The following DPF3 variants were observed in gnomAD, a reference collection of about 807,000 sequenced individuals.
DPF3 encodes the protein double PHD fingers 3.
DPF3 carries 18 observed loss-of-function variants against 56.8 expected under a neutral mutation model. That is an observed-to-expected ratio of 0.32 (90% CI 0.22 to 0.47). The LOEUF (loss-of-function observed/expected upper bound fraction) is 0.47. Among genes scored for constraint, DPF3 ranks in the 20% least tolerant of loss-of-function variants. DPF3 has a pLI of 1.00. For missense variants in DPF3, 403 were observed against 488.8 expected (o/e 0.82, Z 1.65); for synonymous variants, 188 against 180.2 (o/e 1.04, Z -0.35).
intron 1 of DPF3, among the ~76,000 whole-genome samples, chr14:72,787,063 G>A (rs1454322765): frequency 1.3e-5 from 2 of 152,218 alleles, no homozygotes; most frequent in Non-Finnish European, 2.9e-5. Context: ...TGTCAAAGGC[G>A]ATGGCGCCAA....
intron 3 of DPF3, chr14:72,742,678 ACCGAACAT>A (rs1440189624): frequency 1.3e-5 from 2 of 152,396 alleles, no homozygotes; most frequent in Non-Finnish European, 2.9e-5. Flanking sequence ...GAGAAATCGC[ACCGAACAT>A]CAGAGAGCAA....
chr14:72,754,495 T>C (rs1890708453), intron 2 of DPF3, among the ~76,000 whole-genome samples: 1 of 152,206 alleles, frequency 6.6e-6, no homozygotes, highest in South Asian at 2.1e-4. Flanking sequence ...ATGAATATAT[T>C]GCAGCTTCCT....
In DPF3 at chr14:72,616,547, A is replaced by G. The variant is rs149213417; in HGVS notation, c.*2750T>C. Reference sequence around the variant, plus strand: ...GGAAAACATCCGGAGTTCTTCCCAGACAAGCATGGCTCTGCAGTGCTTGTT... The same window carrying G: ...GGAAAACATCCGGAGTTCTTCCCAGGCAAGCATGGCTCTGCAGTGCTTGTT... On this transcript the variant is annotated 3_prime_UTR_variant, in exon 11 of 11. Coordinates refer to ENST00000556509, the MANE Select transcript of DPF3 (RefSeq NM_001280542.3). 2.0e-5 allele frequency among the ~76,000 whole-genome samples: 3 copies of G among 152,272 alleles called. No homozygotes were observed. Among genetic ancestry groups the G allele is most frequent in the Admixed American group, 6.5e-5 (1 of 15,306 alleles).
At chr14:72,833,323 A>G (rs1884139784) in intron 1 of DPF3, among the ~76,000 whole-genome samples, 1 of 152,198 alleles carries the variant, frequency 6.6e-6, no homozygotes, top group Non-Finnish European at 1.5e-5. Context: ...GACGATGACA[A>G]CACTCACCCT....
intron 8 of DPF3, chr14:72,673,988 T>G: frequency 2.1e-6 from 1 of 468,424 alleles, no homozygotes; most frequent in Non-Finnish European, 3.7e-6. Context: ...CAAAGAAATA[T>G]GCACCTCATG....
intron 8 of DPF3, among the ~76,000 whole-genome samples, chr14:72,673,549 T>C (rs1355445201): frequency 1.3e-5 from 2 of 152,242 alleles, no homozygotes; most frequent in Non-Finnish European, 2.9e-5. Flanking sequence ...AAGACCTGAA[T>C]TCATTTTAAG....
chr14:72,627,799 A>T (rs1243600642), intron 9 of DPF3, among the ~76,000 whole-genome samples: 1 of 152,052 alleles, frequency 6.6e-6, no homozygotes, highest in African/African-American at 2.4e-5. Flanking sequence ...ATGCCTTTCA[A>T]TTTGTTCTTT....
intron 1 of DPF3, among the ~76,000 whole-genome samples, chr14:72,827,773 C>A (rs945721411): frequency 6.6e-6 from 1 of 151,966 alleles, no homozygotes; most frequent in African/African-American, 2.4e-5. Flanking sequence ...AGCCACTGCG[C>A]CTGGCCCCCC....
At chr14:72,681,585 T>A (rs1178039870) in intron 7 of DPF3, among the ~76,000 whole-genome samples, 1 of 152,238 alleles carries the variant, frequency 6.6e-6, no homozygotes, top group Non-Finnish European at 1.5e-5. Context: ...CCACCCTTCC[T>A]ATGCCTGCCT....
At chr14:72,687,820 C>T (rs369566331) in intron 7 of DPF3, among the ~76,000 whole-genome samples, 1 of 152,124 alleles carries the variant, frequency 6.6e-6, no homozygotes, top group Non-Finnish European at 1.5e-5. Context: ...CTTTGTAAGA[C>T]CCAGACTGCT....
intron 1 of DPF3, among the ~76,000 whole-genome samples, chr14:72,883,950 A>G (rs1026823971): frequency 7.9e-5 from 12 of 151,140 alleles, no homozygotes; most frequent in African/African-American, 2.9e-4. Context: ...AAAGAAAAAG[A>G]AAAAGAATCC....
chr14:72,715,725 A>C lies in DPF3; in HGVS notation c.526-1224T>G, dbSNP rs192338042. Among the ~76,000 whole-genome samples, 235 of 151,870 alleles carry C rather than the reference A, an allele frequency of 1.5e-3. 5 individuals are homozygous for C. In the South Asian group the frequency reaches 0.043, roughly 27 times the overall value. On this transcript the variant is annotated intron_variant, in intron 5 of 10. Coordinates refer to ENST00000556509, the MANE Select transcript of DPF3 (RefSeq NM_001280542.3). ...TAGGCCTGCAACACACCCACTCAGA[A>C]AACACACCCACTTCCCAATCAACAC... is the stretch of plus-strand genomic sequence containing the variant.
chr14:72,756,828 G>GAGAA (rs1890814432), intron 2 of DPF3, among the ~76,000 whole-genome samples: 1 of 79,672 alleles, frequency 1.3e-5, no homozygotes, highest in African/African-American at 5.3e-5. Flanking sequence ...AAGACAGAAA[G>GAGAA]AAAGAAAGAA....
intron 1 of DPF3, among the ~76,000 whole-genome samples, chr14:72,794,271 G>T (rs557124475): frequency 2.2e-4 from 33 of 152,238 alleles, no homozygotes; most frequent in Admixed American, 1.5e-3. Flanking sequence ...CACAATGTGG[G>T]GTCCTACCCT....
intron 1 of DPF3, among the ~76,000 whole-genome samples, chr14:72,797,994 C>T (rs1892706710): frequency 6.6e-6 from 1 of 152,132 alleles, no homozygotes; most frequent in Non-Finnish European, 1.5e-5. Flanking sequence ...GTGGCTCTTG[C>T]CTGTAATCCC....
chr14:72,662,947 AAAAG>A (rs1482876153), intron 8 of DPF3: 16 of 713,736 alleles, frequency 2.2e-5, no homozygotes, highest in East Asian at 1.3e-4. Flanking sequence ...TTAAAAAAAA[AAAAG>A]AAGAAGAAAG....
chr14:72,776,499 G>A (rs1891749687), intron 1 of DPF3, among the ~76,000 whole-genome samples: 1 of 152,160 alleles, frequency 6.6e-6, no homozygotes, highest in Non-Finnish European at 1.5e-5. Flanking sequence ...GAGCCTATCT[G>A]TGGAGATGGA....
intron 6 of DPF3, among the ~76,000 whole-genome samples, chr14:72,695,028 A>G (rs1291739067): frequency 6.6e-6 from 1 of 152,196 alleles, no homozygotes; most frequent in Non-Finnish European, 1.5e-5. Context: ...CTGCTTTCTA[A>G]TACTGCATCT....
At chr14:72,794,886 G>C (rs1443773665) in intron 1 of DPF3, among the ~76,000 whole-genome samples, 1 of 152,082 alleles carries the variant, frequency 6.6e-6, no homozygotes, top group Non-Finnish European at 1.5e-5. Context: ...GTTTCCAGCA[G>C]CTGGTGGCCT....
Sources: gnomAD v4.1 joint callset for allele counts (sites outside exome capture counted in the v4.1 genomes callset) on GRCh38, gnomAD v4.1.1 for gene constraint, MANE v1.5 for transcripts, NCBI Gene and HGNC (gene_info 2026-07-23, HGNC 2026-07-21) for gene names.